The following KCNQ1 variants were observed in gnomAD, a reference collection of about 807,000 sequenced individuals.
The protein encoded by KCNQ1 is potassium voltage-gated channel subfamily Q member 1.
Under a neutral mutation model 72.4 loss-of-function variants are expected in KCNQ1, and 49 were observed. That is an observed-to-expected ratio of 0.68 (90% CI 0.54 to 0.86). The LOEUF (loss-of-function observed/expected upper bound fraction) is 0.86, where lower values mean the gene tolerates loss of function less well. KCNQ1 is among the 40% of genes least tolerant of loss of function. KCNQ1 has a pLI of 0.00. For synonymous variants in KCNQ1, 450 were observed against 412.6 expected, an observed-to-expected ratio of 1.09 and a Z score of -1.10; for missense variants, 790 against 945.1, an observed-to-expected ratio of 0.84 and a Z score of 2.15.
rs1438550457 is a variant in KCNQ1, at chr11:2,797,563, C to T, written c.1794+19526C>T. 4.6e-5 allele frequency among the ~76,000 whole-genome samples: 7 copies of T among 152,058 alleles called. No individual in the cohort carries two copies. In the East Asian group the frequency reaches 9.7e-4, roughly 21 times the overall value. ...TGCCCCTGCGTACCCACCACCCTTG[C>T]TCCGGAGCTCGAGGGCCCTTTCCCC... is the stretch of plus-strand genomic sequence containing the variant. On this transcript the variant is annotated intron_variant, in intron 15 of 15. Transcript: ENST00000155840.
Position 2,682,556 on chromosome 11 carries a change from T to C in KCNQ1, c.1514+20475T>C, listed in dbSNP as rs967196586. 1 of 398,550 alleles carries C rather than the reference T, an allele frequency of 2.5e-6. No individual in the cohort carries two copies. The highest frequency in any genetic ancestry group is 4.4e-5 in the Admixed American group (1 of 22,720). The allele number at this position is 398,550 out of a possible 1,614,324, so 24.7% of individuals were successfully genotyped here. The stretch of plus-strand genomic sequence containing the variant: ...TGCTAGGACCCTGGCAGGGGTTCCA[T>C]AAGGCTATGCTGGGGTTCAGGCAAC... On this transcript the variant is annotated intron_variant, in intron 11 of 15. Transcript: ENST00000155840. This position sits in a 1 kb window ranked among gnomAD's most constrained non-coding sequence, Gnocchi z 5.8.
chr11:2,495,138 A>G lies in KCNQ1; in HGVS notation c.387-32790A>G, dbSNP rs1388687308. On this transcript the variant is annotated intron_variant, in intron 1 of 15. Coordinates refer to ENST00000155840, the MANE Select transcript of KCNQ1 (RefSeq NM_000218.3). The surrounding 1 kb of genome is among the most constrained non-coding windows in gnomAD (Gnocchi z 4.6). ...AGTTTATTTGCATGGAGGTGTTTTT[A>G]GTATTCTCTGATGGTAGTTTGTATT... Among the ~76,000 whole-genome samples, 1 of 152,068 alleles carries G rather than the reference A, an allele frequency of 6.6e-6. No individual in the cohort carries two copies. Among genetic ancestry groups the G allele is most frequent in the African/African-American group, 2.4e-5 (1 of 41,400 alleles).
At position 2,488,050 on chromosome 11, in the gene KCNQ1, G is replaced by T. The variant is rs1031575186; in HGVS notation, c.387-39878G>T. On this transcript the variant is annotated intron_variant, in intron 1 of 15. Transcript: ENST00000155840. The surrounding 1 kb of genome is among the most constrained non-coding windows in gnomAD (Gnocchi z 5.1). ...TTAAGGTAGTTTCCTTCTATTCCTA[G>T]TTTGTTGAGAGTTTTTAATAAGGAT... 6.6e-5 allele frequency among the ~76,000 whole-genome samples: 10 copies of T among 152,092 alleles called. No individual in the cohort carries two copies. The highest frequency in any genetic ancestry group is 1.3e-4 in the Non-Finnish European group (9 of 67,994).
chr11:2,614,731 A>G (rs1390446633), intron 10 of KCNQ1: 7 of 398,344 alleles, frequency 1.8e-5, no homozygotes, highest in East Asian at 1.1e-4. Context: ...CCATTGGTCT[A>G]TATGTCCATC....
At chr11:2,721,991 C>A (rs549122635) in intron 11 of KCNQ1, among the ~76,000 whole-genome samples, 2 of 152,348 alleles carry the variant, frequency 1.3e-5, no homozygotes, top group South Asian at 4.1e-4. Context: ...CCTACGCACA[C>A]CCCCTGCCCC....
At chr11:2,726,956 G>C (rs1361538734) in intron 11 of KCNQ1, among the ~76,000 whole-genome samples, 2 of 152,176 alleles carry the variant, frequency 1.3e-5, no homozygotes, top group African/African-American at 2.4e-5. Context: ...TCCAAGCCCT[G>C]TCCCTGCCCC....
At chr11:2,506,577 G>A (rs771401929) in intron 1 of KCNQ1, among the ~76,000 whole-genome samples, 20 of 152,218 alleles carry the variant, frequency 1.3e-4, no homozygotes, top group Non-Finnish European at 2.9e-4. Flanking sequence ...CGTAGGTATG[G>A]ATGTTCCTAT....
chr11:2,799,685 G>A (rs1006496414), intron 15 of KCNQ1, among the ~76,000 whole-genome samples: 31 of 152,258 alleles, frequency 2.0e-4, no homozygotes, highest in Middle Eastern at 3.4e-3. Context: ...GGTAGTCACC[G>A]TTCTCCATCC....
chr11:2,520,472 C>T (rs1490192523), intron 1 of KCNQ1, among the ~76,000 whole-genome samples: 2 of 152,204 alleles, frequency 1.3e-5, no homozygotes, highest in Non-Finnish European at 2.9e-5. Flanking sequence ...GACCTCCAAA[C>T]CCTGCTGAGG....
At chr11:2,512,056 G>A (rs890606822) in intron 1 of KCNQ1, among the ~76,000 whole-genome samples, 6 of 152,332 alleles carry the variant, frequency 3.9e-5, no homozygotes, top group South Asian at 2.1e-4. Context: ...CTGCGCTGTC[G>A]GGCTCGGCGT....
intron 15 of KCNQ1, among the ~76,000 whole-genome samples, chr11:2,845,482 G>A (rs1215427053): frequency 6.6e-6 from 1 of 152,182 alleles, no homozygotes; most frequent in African/African-American, 2.4e-5. Flanking sequence ...AGAGACCCCG[G>A]TGGATGGCCC....
chr11:2,533,507 C>T (rs925730110), intron 2 of KCNQ1, among the ~76,000 whole-genome samples: 4 of 152,334 alleles, frequency 2.6e-5, no homozygotes, highest in Admixed American at 1.3e-4. Context: ...TGCATGTGCA[C>T]GTCTGTGTAC....
intron 11 of KCNQ1, among the ~76,000 whole-genome samples, chr11:2,743,916 G>A (rs971731767): frequency 6.6e-6 from 1 of 152,224 alleles, no homozygotes; most frequent in Non-Finnish European, 1.5e-5. Context: ...GGCAGACTGG[G>A]GCCTCCCCTG....
At chr11:2,831,343 T>A (rs959553934) in intron 15 of KCNQ1, among the ~76,000 whole-genome samples, 1 of 152,090 alleles carries the variant, frequency 6.6e-6, no homozygotes, top group African/African-American at 2.4e-5. Flanking sequence ...CTTGGACCAG[T>A]GGCGGCTGGA....
chr11:2,674,196 G>A lies in KCNQ1; in HGVS notation c.1514+12115G>A, dbSNP rs1401153846. The A allele has an allele frequency of 2.5e-6, 1 of 398,602 alleles. No individual in the cohort carries two copies. Among genetic ancestry groups the A allele is most frequent in the African/African-American group, 2.1e-5 (1 of 48,632 alleles). 24.7% of individuals were successfully genotyped at this position (398,602 alleles called of 1,614,324 possible). On this transcript the variant is annotated intron_variant, in intron 11 of 15. Transcript: ENST00000155840. The surrounding 1 kb of genome is among the most constrained non-coding windows in gnomAD (Gnocchi z 5.9). ...GCTGGGTGTGGCTGGGGAGAGCACAGCCAGTTGTGGGTTTTTCTTGGGGCC... is the reference window on the plus strand; with the variant it reads ...GCTGGGTGTGGCTGGGGAGAGCACAACCAGTTGTGGGTTTTTCTTGGGGCC...
At position 2,602,278 on chromosome 11, in the gene KCNQ1, G is replaced by GGA. The variant is rs1554896528; in HGVS notation, c.1393+13424_1393+13425insGA. Among the ~76,000 whole-genome samples, 1 of 136,886 alleles carries GGA rather than the reference G, an allele frequency of 7.3e-6. No individual in the cohort carries two copies. Among genetic ancestry groups the GGA allele is most frequent in the East Asian group, 2.1e-4 (1 of 4,842 alleles). The allele number at this position is 136,886 out of a possible 152,430, so 89.8% of individuals were successfully genotyped here. A position where few individuals can be genotyped will look rare whatever the true frequency, so the allele number is the denominator to read the frequency against. ...AGACTTCTGGCCTCTAGAACTGTGA[G>GGA]AAAAAAAAAAAAAGCGTGTCTTGTT... On this transcript the variant is annotated intron_variant, in intron 10 of 15. Transcript: ENST00000155840. This position sits in a 1 kb window ranked among gnomAD's most constrained non-coding sequence, Gnocchi z 4.8.
intron 11 of KCNQ1, chr11:2,699,260 G>A (rs938897912): frequency 7.5e-6 from 3 of 398,680 alleles, no homozygotes; most frequent in African/African-American, 6.2e-5. Flanking sequence ...AGATGGGAGC[G>A]CACTGCCCAG....
At position 2,768,648 on chromosome 11, in the gene KCNQ1, G is replaced by A. The variant is rs1846537398; in HGVS notation, c.1515-196G>A. Among the ~76,000 whole-genome samples the A allele has an allele frequency of 6.6e-6, 1 of 152,150 alleles. No homozygotes were observed. The highest frequency in any genetic ancestry group is 2.4e-5 in the African/African-American group (1 of 41,430). ...CAGATGAGGTGAAACATTTCACCTT[G>A]AAAAGCCTCTTGCCCCCAGCCTCCC... On this transcript the variant is annotated intron_variant, in intron 11 of 15. Transcript: ENST00000155840. The surrounding 1 kb of genome is among the most constrained non-coding windows in gnomAD (Gnocchi z 6.7).
chr11:2,721,888 G>T (rs1049946148), intron 11 of KCNQ1, among the ~76,000 whole-genome samples: 7 of 152,206 alleles, frequency 4.6e-5, no homozygotes, highest in Non-Finnish European at 1.5e-5. Context: ...GCCAGTGCAG[G>T]GAGACCCCAC....
Sources: allele counts gnomAD v4.1 joint callset (sites outside exome capture counted in the v4.1 genomes callset), GRCh38; gene constraint gnomAD v4.1.1; non-coding constraint Gnocchi (gnomAD v3.1); transcripts MANE v1.5; gene names NCBI Gene and HGNC (gene_info 2026-07-23, HGNC 2026-07-21).